METTL15: variants seen among roughly 807,000 people sequenced by gnomAD.
METTL15 encodes methyltransferase 15, mitochondrial 12S rRNA N4-cytidine, also known as 12S rRNA N(4)-cytidine methyltransferase METTL15.
In METTL15, 34 loss-of-function variants were observed where a neutral mutation model predicts 38.3. The ratio of observed to expected loss-of-function variants is 0.89; its 90% CI spans 0.68 to 1.18. METTL15 has a LOEUF of 1.18. Ranked by LOEUF, METTL15 falls within the 50% of genes most tolerant of loss-of-function variation. The probability of loss-of-function intolerance (pLI) is 0.00; values close to 1 mark genes in which losing one functional copy is unlikely to be tolerated. For missense variants in METTL15, 438 were observed against 498.4 expected (o/e 0.88, Z 1.15); for synonymous variants, 162 against 170.9 (o/e 0.95, Z 0.41).
intron 3 of METTL15, among the ~76,000 whole-genome samples, chr11:28,191,656 A>G (rs1851704216): frequency 6.6e-6 from 1 of 151,678 alleles, no homozygotes; most frequent in Non-Finnish European, 1.5e-5. Flanking sequence ...AAGTGGTGAT[A>G]TATTATGGAT....
rs1381068052 is a variant in METTL15, at chr11:28,283,528, A to G, written c.408-6678A>G. ...GGTCCATGTTCCATGTTCAATTCTA[A>G]TAAGTACACAGTGAATGGTAGCTAT... On this transcript the variant is annotated intron_variant, in intron 4 of 6. Transcript: ENST00000407364. 3.3e-5 allele frequency among the ~76,000 whole-genome samples: 5 copies of G among 152,194 alleles called. No homozygotes were observed. In the East Asian group the frequency reaches 5.8e-4, roughly 18 times the overall value.
chr11:28,361,774 C>G (rs973941428), intron 4 of METTL15, among the ~76,000 whole-genome samples: 1 of 152,050 alleles, frequency 6.6e-6, no homozygotes, highest in African/African-American at 2.4e-5. Flanking sequence ...AGTTTGGGGT[C>G]CCGGAGCCTA....
At chr11:28,172,031 G>T (rs1236413660) in intron 3 of METTL15, among the ~76,000 whole-genome samples, 1 of 151,988 alleles carries the variant, frequency 6.6e-6, no homozygotes, top group Non-Finnish European at 1.5e-5. Flanking sequence ...AAACTTTTGG[G>T]CTCAAGCAGT....
At chr11:28,120,345 C>A (rs1852173909) in intron 3 of METTL15, among the ~76,000 whole-genome samples, 1 of 148,366 alleles carries the variant, frequency 6.7e-6, no homozygotes, top group South Asian at 2.1e-4. Context: ...TTTTAAAATA[C>A]AGGTTTCTTT....
chr11:28,150,154 A>G (rs765156518), intron 3 of METTL15, among the ~76,000 whole-genome samples: 2 of 151,852 alleles, frequency 1.3e-5, no homozygotes, highest in East Asian at 1.9e-4. Flanking sequence ...CCAATCTCCT[A>G]CAGTGCTCTT....
At chr11:28,443,991 T>C (rs1424526436) in intron 6 of METTL15, among the ~76,000 whole-genome samples, 1 of 152,224 alleles carries the variant, frequency 6.6e-6, no homozygotes, top group Non-Finnish European at 1.5e-5. Flanking sequence ...CTTTTTTCAC[T>C]CAATTCCATG....
intron 5 of METTL15, among the ~76,000 whole-genome samples, chr11:28,407,468 A>T (rs1284889202): frequency 1.3e-5 from 2 of 152,166 alleles, no homozygotes; most frequent in Non-Finnish European, 2.9e-5. Context: ...ATTTGCAAGA[A>T]AAAAAACAAC....
chr11:28,289,459 A>G (rs1001262206), intron 4 of METTL15, among the ~76,000 whole-genome samples: 1 of 152,146 alleles, frequency 6.6e-6, no homozygotes, highest in Non-Finnish European at 1.5e-5. Context: ...TCTTGAGAGC[A>G]TTGCCCAATT....
chr11:28,157,777 C>G (rs932465353), intron 3 of METTL15, among the ~76,000 whole-genome samples: 1 of 152,178 alleles, frequency 6.6e-6, no homozygotes, highest in Non-Finnish European at 1.5e-5. Flanking sequence ...GGTCCCCACT[C>G]CTGCCACCCA....
chr11:28,174,859 A>G (rs1851000617), intron 3 of METTL15, among the ~76,000 whole-genome samples: 2 of 150,492 alleles, frequency 1.3e-5, no homozygotes, highest in African/African-American at 4.9e-5. Context: ...GCAAATCTCT[A>G]TTTTGAACTG....
In METTL15 at chr11:28,418,557, C is replaced by G. The variant is rs550653945; in HGVS notation, c.*359-5742C>G. On this transcript the variant is annotated intron_variant and NMD_transcript_variant, in intron 5 of 7. Transcript: ENST00000532947. ...TAGAAGCCTCTGCCGATCGTCCTCT[C>G]TGCAGGAACACCAAATTTAACAACT... 7.9e-5 allele frequency among the ~76,000 whole-genome samples: 12 copies of G among 152,290 alleles called. 1 individual carries two copies. In the South Asian group the frequency reaches 2.5e-3, roughly 32 times the overall value.
chr11:28,217,920 C>A (rs554542755), intron 4 of METTL15, among the ~76,000 whole-genome samples: 1 of 152,044 alleles, frequency 6.6e-6, no homozygotes, highest in Non-Finnish European at 1.5e-5. Context: ...TGGTCTATAT[C>A]TCTGTTTTGG....
At chr11:28,385,983 A>G (rs908817538) in intron 5 of METTL15, among the ~76,000 whole-genome samples, 1 of 152,138 alleles carries the variant, frequency 6.6e-6, no homozygotes, top group Non-Finnish European at 1.5e-5. Flanking sequence ...CAAACAAAGT[A>G]TGGGGGAAAT....
At chr11:28,278,643 G>A (rs1247107355) in intron 4 of METTL15, among the ~76,000 whole-genome samples, 14 of 152,138 alleles carry the variant, frequency 9.2e-5, no homozygotes, top group Non-Finnish European at 8.8e-5. Flanking sequence ...AATTACAAAA[G>A]CTCTCTTCAG....
intron 6 of METTL15, among the ~76,000 whole-genome samples, chr11:28,474,672 C>T (rs1473262026): frequency 2.0e-5 from 3 of 152,112 alleles, no homozygotes; most frequent in African/African-American, 4.8e-5. Context: ...CAAAGAAGAG[C>T]GGATGGTGCA....
rs1009450925 is a variant in METTL15 at position 28,131,456 on chromosome 11, C to G, written c.270+17852C>G. Among the ~76,000 whole-genome samples the G allele has an allele frequency of 4.7e-5, 7 of 147,496 alleles. No homozygotes were observed. In the South Asian group the frequency reaches 1.5e-3, roughly 32 times the overall value. ...AAAGTGTGTAATTTCAGCATACTTT[C>G]TAACTAAATTAGCATTTTTCTTCCT... On this transcript the variant is annotated intron_variant, in intron 3 of 6. Transcript: ENST00000407364.
intron 4 of METTL15, among the ~76,000 whole-genome samples, chr11:28,263,576 G>T (rs1427061555): frequency 6.6e-6 from 1 of 151,938 alleles, no homozygotes; most frequent in East Asian, 1.9e-4. Flanking sequence ...TATTGTAATT[G>T]CATTTCTTTC....
chr11:28,380,403 C>T (rs148589263), intron 5 of METTL15, among the ~76,000 whole-genome samples: 2,800 of 152,166 alleles, frequency 0.018, 33 homozygotes, highest in South Asian at 0.032. Context: ...CTCCTGACCT[C>T]GTGATCTGCC....
intron 4 of METTL15, among the ~76,000 whole-genome samples, chr11:28,354,433 AAGAC>A (rs1238091397): frequency 6.6e-6 from 1 of 152,196 alleles, no homozygotes; most frequent in Non-Finnish European, 1.5e-5. Context: ...ATGGCATACT[AAGAC>A]AGAGAGGAAC....
Sources: gnomAD v4.1 joint callset for allele counts (sites outside exome capture counted in the v4.1 genomes callset) on GRCh38, gnomAD v4.1.1 for gene constraint, MANE v1.5 for transcripts, NCBI Gene and HGNC (gene_info 2026-07-23, HGNC 2026-07-21) for gene names.